WWOX: variants seen among roughly 807,000 people sequenced by gnomAD.
The protein encoded by WWOX is WW domain containing oxidoreductase.
Under a neutral mutation model 46.2 loss-of-function variants are expected in WWOX, and 69 were observed. The observed-to-expected ratio is 1.49, with a 90% CI of 1.23 to 1.82. WWOX has a LOEUF of 1.82. Among genes scored for constraint, WWOX ranks in the 40% most tolerant of loss-of-function variants. The pLI is 0.00. For synonymous variants in WWOX, 359 were observed against 202.6 expected, an observed-to-expected ratio of 1.77 and a Z score of -6.56; for missense variants, 919 against 542.6, an observed-to-expected ratio of 1.69 and a Z score of -6.89.
rs892873721 is a variant in WWOX, at chr16:78,261,552, G to C, written c.516+97263G>C. On this transcript the variant is annotated intron_variant, in intron 5 of 8. Transcript: ENST00000566780. The stretch of plus-strand genomic sequence containing the variant: ...TTTTGTATTTCATCTGTGATTGACT[G>C]TGTATGTATTTTTGCATATATACCT... Among the ~76,000 whole-genome samples the C allele has an allele frequency of 1.3e-5, 2 of 150,156 alleles. 1 individual carries two copies.
chr16:78,271,253 C>T (rs909155561), intron 5 of WWOX, among the ~76,000 whole-genome samples: 1 of 152,120 alleles, frequency 6.6e-6, no homozygotes, highest in Admixed American at 6.5e-5. Context: ...AGTTTCAAAT[C>T]TGTTGTAGTC....
chr16:79,053,012 A>G (rs972060167), intron 8 of WWOX, among the ~76,000 whole-genome samples: 1 of 151,882 alleles, frequency 6.6e-6, no homozygotes, highest in Non-Finnish European at 1.5e-5. Flanking sequence ...AGGTGGCAAA[A>G]GCAGGTGGGA....
intron 5 of WWOX, among the ~76,000 whole-genome samples, chr16:78,340,577 G>A (rs72794016): frequency 0.23 from 27,272 of 119,342 alleles, 8,764 homozygotes; most frequent in African/African-American, 0.38. Flanking sequence ...AGAATTCAAA[G>A]TTACTGCTGC....
intron 6 of WWOX, among the ~76,000 whole-genome samples, chr16:78,420,156 C>G (rs999163863): frequency 7.2e-5 from 11 of 152,068 alleles, no homozygotes; most frequent in African/African-American, 2.7e-4. Context: ...AGTTCAAATA[C>G]AGTCCTGGCG....
intron 8 of WWOX, among the ~76,000 whole-genome samples, chr16:78,915,248 T>A (rs1012803060): frequency 6.6e-6 from 1 of 152,192 alleles, no homozygotes; most frequent in African/African-American, 2.4e-5. Context: ...AGGGTTCCCT[T>A]TACATGACCA....
At chr16:78,914,135 C>G (rs1023517365) in intron 8 of WWOX, among the ~76,000 whole-genome samples, 11 of 152,064 alleles carry the variant, frequency 7.2e-5, no homozygotes, top group Non-Finnish European at 1.6e-4. Context: ...CCTGGCTATC[C>G]TGTCCAAAGT....
intron 8 of WWOX, among the ~76,000 whole-genome samples, chr16:78,746,289 G>C (rs139050277): frequency 6.6e-6 from 1 of 152,314 alleles, no homozygotes; most frequent in African/African-American, 2.4e-5. Context: ...CTTGAGGCCA[G>C]GTGTTCAAGA....
intron 8 of WWOX, chr16:79,196,597 T>A (rs1391928175): frequency 6.6e-6 from 1 of 152,140 alleles, no homozygotes; most frequent in Non-Finnish European, 1.5e-5. Flanking sequence ...AGCCCTAGCC[T>A]CTCTTCTCCT....
chr16:78,197,941 C>G (rs924800301), intron 5 of WWOX, among the ~76,000 whole-genome samples: 8 of 151,960 alleles, frequency 5.3e-5, no homozygotes, highest in African/African-American at 1.9e-4. Context: ...GGTAGTTTTT[C>G]TTTTATTTTT....
rs767019329 is a variant in WWOX at position 79,212,129 on chromosome 16, G to C, written c.*333G>C. ...CTCTTTCTTTTACTGTTATAGAATA[G>C]CCTGAGGTCCCCTCGTCCCATCCAG... is the stretch of plus-strand genomic sequence containing the variant. On this transcript the variant is annotated 3_prime_UTR_variant, in exon 9 of 9. Coordinates refer to ENST00000566780, the MANE Select transcript of WWOX (RefSeq NM_016373.4). The C allele has an allele frequency of 1.2e-5, 18 of 1,530,292 alleles. No individual in the cohort carries two copies. Among genetic ancestry groups the C allele is most frequent in the Non-Finnish European group, 1.5e-5 (17 of 1,143,660 alleles). 94.8% of individuals were successfully genotyped at this position (1,530,292 alleles called of 1,614,324 possible).
At chr16:78,578,734 C>T (rs1468014193) in intron 8 of WWOX, among the ~76,000 whole-genome samples, 1 of 152,126 alleles carries the variant, frequency 6.6e-6, no homozygotes, top group African/African-American at 2.4e-5. Flanking sequence ...GATGCATCAA[C>T]ATAACAAGTA....
intron 5 of WWOX, among the ~76,000 whole-genome samples, chr16:78,190,329 A>G (rs735164): frequency 0.25 from 38,701 of 152,084 alleles, 5,162 homozygotes; most frequent in African/African-American, 0.31. Context: ...GAGATGAGAG[A>G]GAGAGCAAAA....
intron 8 of WWOX, among the ~76,000 whole-genome samples, chr16:79,202,194 A>C (rs1267913536): frequency 2.0e-5 from 3 of 152,170 alleles, no homozygotes; most frequent in Non-Finnish European, 4.4e-5. Flanking sequence ...TAAATTACTT[A>C]ATCTCTGGCC....
chr16:78,821,006 T>A (rs1351844398), intron 8 of WWOX, among the ~76,000 whole-genome samples: 1 of 152,202 alleles, frequency 6.6e-6, no homozygotes, highest in Non-Finnish European at 1.5e-5. Context: ...TTGAGTATGA[T>A]CTCATCTCAT....
chr16:78,788,598 C>T (rs1410443039), intron 8 of WWOX, among the ~76,000 whole-genome samples: 1 of 152,212 alleles, frequency 6.6e-6, no homozygotes, highest in Non-Finnish European at 1.5e-5. Context: ...AGCTCCATGC[C>T]CCTACCCCAT....
In WWOX at chr16:79,116,205, C is replaced by T. The variant is rs190216078; in HGVS notation, c.1057-95403C>T. Among the ~76,000 whole-genome samples, 696 of 152,200 alleles carry T rather than the reference C, an allele frequency of 4.6e-3. 5 individuals are homozygous for T. The highest frequency in any genetic ancestry group is 0.014 in the African/African-American group (595 of 41,514). ...GATGGCTGCTGATGGATCAAGTTGG[C>T]GGTTGCTGAAGGTTGGGGTGGCTGT... On this transcript the variant is annotated intron_variant, in intron 8 of 8. Coordinates refer to ENST00000566780, the MANE Select transcript of WWOX (RefSeq NM_016373.4).
intron 8 of WWOX, among the ~76,000 whole-genome samples, chr16:78,545,403 A>C (rs555876763): frequency 5.9e-5 from 9 of 152,294 alleles, no homozygotes; most frequent in Admixed American, 2.0e-4. Context: ...CTTTTTAAAG[A>C]GATGGGATTT....
chr16:79,067,842 A>G (rs950487916), intron 8 of WWOX, among the ~76,000 whole-genome samples: 6 of 152,170 alleles, frequency 3.9e-5, no homozygotes, highest in Non-Finnish European at 7.3e-5. Flanking sequence ...TCATCTGCAA[A>G]TGAAAAGTCC....
chr16:78,792,668 G>A (rs2050636270), intron 8 of WWOX, among the ~76,000 whole-genome samples: 1 of 152,154 alleles, frequency 6.6e-6, no homozygotes, highest in Non-Finnish European at 1.5e-5. Flanking sequence ...GGATACCTTT[G>A]GGGCAGACAA....
Sources: gnomAD v4.1 joint callset for allele counts (sites outside exome capture counted in the v4.1 genomes callset) on GRCh38, gnomAD v4.1.1 for gene constraint, MANE v1.5 for transcripts, NCBI Gene and HGNC (gene_info 2026-07-23, HGNC 2026-07-21) for gene names.